Variants in SLC16A7 observed in about 807,000 individuals in gnomAD.
SLC16A7 encodes the protein monocarboxylate transporter 2.
In SLC16A7, 33 loss-of-function variants were observed where a neutral mutation model predicts 34.9. The observed-to-expected ratio is 0.94, with a 90% CI of 0.72 to 1.26. The LOEUF (loss-of-function observed/expected upper bound fraction) is 1.26, where lower values mean the gene tolerates loss of function less well. SLC16A7 is among the 50% of genes most tolerant of loss of function. The pLI is 0.00. For synonymous variants in SLC16A7, 201 were observed against 206.6 expected, an observed-to-expected ratio of 0.97 and a Z score of 0.23; for missense variants, 573 against 578.1, an observed-to-expected ratio of 0.99 and a Z score of 0.09.
At chr12:59,641,623 A>T (rs1880691001) in intron 1 of SLC16A7, among the ~76,000 whole-genome samples, 1 of 151,982 alleles carries the variant, frequency 6.6e-6, no homozygotes, top group African/African-American at 2.4e-5. Flanking sequence ...TTGCCTTTGT[A>T]ACTTTTCTAA....
intron 3 of SLC16A7, among the ~76,000 whole-genome samples, chr12:59,753,114 C>T (rs371404566): frequency 6.6e-6 from 1 of 152,256 alleles, no homozygotes; most frequent in Middle Eastern, 3.4e-3. Flanking sequence ...AGCACTAAAC[C>T]TGGAAAGGAA....
At chr12:59,765,924 A>G (rs1881570548) in intron 3 of SLC16A7, among the ~76,000 whole-genome samples, 2 of 152,296 alleles carry the variant, frequency 1.3e-5, no homozygotes, top group Non-Finnish European at 2.9e-5. Context: ...TACCTTGGGC[A>G]GTATGGCCAT....
At chr12:59,616,782 C>T (rs1196224418) in intron 1 of SLC16A7, among the ~76,000 whole-genome samples, 1 of 152,080 alleles carries the variant, frequency 6.6e-6, no homozygotes, top group Non-Finnish European at 1.5e-5. Flanking sequence ...ATGAGGAGAA[C>T]TATGATACAT....
chr12:59,773,228 C>G (rs181434128), intron 4 of SLC16A7, among the ~76,000 whole-genome samples: 15 of 152,184 alleles, frequency 9.9e-5, no homozygotes, highest in Admixed American at 9.2e-4. Context: ...TTTAATTACA[C>G]TCATTCTGCA....
intron 1 of SLC16A7, among the ~76,000 whole-genome samples, chr12:59,642,029 C>A (rs1018517957): frequency 6.6e-6 from 1 of 151,992 alleles, no homozygotes; most frequent in Non-Finnish European, 1.5e-5. Flanking sequence ...AAAAAAGTAT[C>A]AATTTAAAAA....
chr12:59,770,278 T>C (rs1882093929), intron 3 of SLC16A7, among the ~76,000 whole-genome samples: 1 of 152,154 alleles, frequency 6.6e-6, no homozygotes, highest in Non-Finnish European at 1.5e-5. Flanking sequence ...TCTTCTAAAT[T>C]ACTTTGGAGT....
intron 3 of SLC16A7, among the ~76,000 whole-genome samples, chr12:59,717,491 G>A (rs751390021): frequency 6.6e-6 from 1 of 152,256 alleles, no homozygotes; most frequent in Non-Finnish European, 1.5e-5. Context: ...TGCTTCTCAC[G>A]AGAAATATTA....
chr12:59,672,041 C>CGT (rs1592467562), intron 2 of SLC16A7, among the ~76,000 whole-genome samples: 1 of 18 alleles, frequency 0.056, no homozygotes, highest in African/African-American at 0.17. Flanking sequence ...CGCATATATC[C>CGT]GTATATATGT....
intron 3 of SLC16A7, among the ~76,000 whole-genome samples, chr12:59,738,830 ATT>A (rs796677148): frequency 4.2e-5 from 6 of 141,860 alleles, no homozygotes; most frequent in Admixed American, 7.0e-5. Context: ...ATCCTCAAAG[ATT>A]TTTTTTTTTT....
chr12:59,770,853 A>T (rs1277514792), intron 3 of SLC16A7, among the ~76,000 whole-genome samples: 6 of 152,214 alleles, frequency 3.9e-5, no homozygotes, highest in African/African-American at 1.4e-4. Context: ...CAAGTCATTT[A>T]TGTAATTCCT....
intron 2 of SLC16A7, among the ~76,000 whole-genome samples, chr12:59,700,900 T>C (rs746765573): frequency 6.6e-6 from 1 of 151,758 alleles, no homozygotes; most frequent in Non-Finnish European, 1.5e-5. Flanking sequence ...AGATGACTAA[T>C]CTGAGGCAAG....
chr12:59,789,326 C>T lies in SLC16A7; in HGVS notation c.*9647C>T, dbSNP rs1184136102. On this transcript the variant is annotated 3_prime_UTR_variant, in exon 6 of 6. Coordinates refer to ENST00000547379, the MANE Select transcript of SLC16A7 (RefSeq NM_001270623.2). The stretch of plus-strand genomic sequence containing the variant: ...GACATAGAAAACAAAACACCTGTAG[C>T]ATTTTCTTTATTTAAAATTGAAACT... 1 of 152,106 alleles carries T rather than the reference C, an allele frequency of 6.6e-6. No individual in the cohort carries two copies. Among genetic ancestry groups the T allele is most frequent in the Non-Finnish European group, 1.5e-5 (1 of 67,998 alleles). 9.4% of individuals were successfully genotyped at this position (152,106 alleles called of 1,614,324 possible). A position where few individuals can be genotyped will look rare whatever the true frequency, so the allele number is the denominator to read the frequency against.
chr12:59,720,622 A>G (rs1875464674), intron 3 of SLC16A7, among the ~76,000 whole-genome samples: 1 of 152,072 alleles, frequency 6.6e-6, no homozygotes, highest in Non-Finnish European at 1.5e-5. Context: ...CATTATCATC[A>G]TCCAATCTCC....
rs73348846 is a variant in SLC16A7 at position 59,737,627 on chromosome 12, T to C, written c.217+32609T>C. On this transcript the variant is annotated intron_variant, in intron 3 of 5. Coordinates refer to ENST00000547379, the MANE Select transcript of SLC16A7 (RefSeq NM_001270623.2). ...GGACTTTTTCTAGATTTTCTAATGT[T>C]TAATACCATTGCTTTTATTTGAAAA... Among the ~76,000 whole-genome samples the C allele has an allele frequency of 3.8e-3, 582 of 152,304 alleles. 2 individuals carry two copies. The highest frequency in any genetic ancestry group is 0.013 in the African/African-American group (560 of 41,566).
intron 3 of SLC16A7, among the ~76,000 whole-genome samples, chr12:59,728,290 A>G (rs1461329711): frequency 6.6e-6 from 1 of 152,176 alleles, no homozygotes; most frequent in Non-Finnish European, 1.5e-5. Flanking sequence ...CTCTGAGTTC[A>G]AACACTTCCT....
intron 1 of SLC16A7, among the ~76,000 whole-genome samples, chr12:59,628,688 G>T (rs778470337): frequency 1.3e-5 from 2 of 151,676 alleles, no homozygotes; most frequent in Non-Finnish European, 1.5e-5. Context: ...GTGTGTGTGC[G>T]CGTATTTTGT....
At chr12:59,627,336 C>T (rs1879973577) in intron 1 of SLC16A7, among the ~76,000 whole-genome samples, 1 of 151,756 alleles carries the variant, frequency 6.6e-6, no homozygotes, top group Admixed American at 6.6e-5. Flanking sequence ...GTTTGATAGA[C>T]CAGTATTTGC....
intron 2 of SLC16A7, among the ~76,000 whole-genome samples, chr12:59,672,183 C>CATATATACGTATATATACATATATACGT (rs1869903725): frequency 2.0e-5 from 1 of 48,824 alleles, no homozygotes; most frequent in African/African-American, 8.1e-5. Flanking sequence ...TGTATATATG[C>CATATATACGTATATATACATATATACGT]ATATATACGT....
intron 1 of SLC16A7, among the ~76,000 whole-genome samples, chr12:59,649,821 C>T (rs1289673487): frequency 6.6e-6 from 1 of 151,972 alleles, no homozygotes; most frequent in East Asian, 1.9e-4. Context: ...TGGTGGCGGG[C>T]ACCTGTAATC....
Sources: allele counts gnomAD v4.1 joint callset (sites outside exome capture counted in the v4.1 genomes callset), GRCh38; gene constraint gnomAD v4.1.1; transcripts MANE v1.5; gene names NCBI Gene and HGNC (gene_info 2026-07-23, HGNC 2026-07-21).